The following DPP10 variants were observed in gnomAD, a reference collection of about 807,000 sequenced individuals.
DPP10 encodes the protein dipeptidyl peptidase like 10.
A neutral mutation model predicts 120.9 loss-of-function variants in DPP10; 33 were observed. The observed-to-expected ratio is 0.27, with a 90% CI of 0.21 to 0.37. The LOEUF (loss-of-function observed/expected upper bound fraction) is 0.37, where lower values mean the gene tolerates loss of function less well. Ranked by LOEUF, DPP10 falls within the 10% of genes least tolerant of loss-of-function variation. The pLI is 1.00. For missense variants in DPP10, 816 were observed against 942.8 expected (o/e 0.87, Z 1.76); for synonymous variants, 337 against 326.1 (o/e 1.03, Z -0.36).
At chr2:115,328,437 G>T (rs943211724) in intron 2 of DPP10, among the ~76,000 whole-genome samples, 2 of 152,020 alleles carry the variant, frequency 1.3e-5, no homozygotes, top group African/African-American at 2.4e-5. Context: ...GTAATCAATG[G>T]ATGATAAGTT....
intron 1 of DPP10, among the ~76,000 whole-genome samples, chr2:114,855,782 G>C (rs148039330): frequency 6.6e-6 from 1 of 152,216 alleles, no homozygotes; most frequent in South Asian, 2.1e-4. Flanking sequence ...AGGGCTTTGC[G>C]GGGGAGGTCA....
chr2:115,018,827 A>G (rs188614610), intron 1 of DPP10, among the ~76,000 whole-genome samples: 21 of 152,276 alleles, frequency 1.4e-4, no homozygotes, highest in African/African-American at 4.8e-4. Context: ...AAACCTGCGC[A>G]TTCTGCACGT....
intron 1 of DPP10, among the ~76,000 whole-genome samples, chr2:114,818,070 C>A (rs1685783701): frequency 6.6e-6 from 1 of 151,850 alleles, no homozygotes; most frequent in South Asian, 2.1e-4. Context: ...GAAGAAGAAA[C>A]CATAGAGTAA....
At chr2:114,601,415 A>T (rs1174278705) in intron 1 of DPP10, among the ~76,000 whole-genome samples, 3 of 151,866 alleles carry the variant, frequency 2.0e-5, no homozygotes, top group Non-Finnish European at 4.4e-5. Context: ...GAGAATGGAG[A>T]TAGAGTTATA....
In DPP10 at chr2:115,721,697, G is replaced by C. The variant is rs540451014; in HGVS notation, c.577-6119G>C. On this transcript the variant is annotated intron_variant, in intron 7 of 25. Transcript: ENST00000410059. ...GGTACTATACGAAGACAGCATGAAA[G>C]TTCCTCAGTAAATTAAAAATAAAAC... Among the ~76,000 whole-genome samples, 4 of 152,272 alleles carry C rather than the reference G, an allele frequency of 2.6e-5. No individual in the cohort carries two copies. The South Asian group carries it at 8.3e-4, about 32-fold the overall frequency.
intron 5 of DPP10, among the ~76,000 whole-genome samples, chr2:115,652,558 G>A (rs2087893728): frequency 6.6e-6 from 1 of 151,542 alleles, no homozygotes; most frequent in African/African-American, 2.4e-5. Flanking sequence ...ATCTGTAGTT[G>A]GCAAGCTGGA....
chr2:114,745,119 A>C (rs1678452378), intron 1 of DPP10, among the ~76,000 whole-genome samples: 1 of 152,228 alleles, frequency 6.6e-6, no homozygotes, highest in Admixed American at 6.5e-5. Flanking sequence ...ATCCCTGATC[A>C]AGAATATCTT....
At chr2:114,785,662 G>T (rs1463323041) in intron 1 of DPP10, among the ~76,000 whole-genome samples, 1 of 152,088 alleles carries the variant, frequency 6.6e-6, no homozygotes, top group Non-Finnish European at 1.5e-5. Flanking sequence ...TACTGTAGAG[G>T]CAATGTAGAG....
At chr2:114,804,731 A>G (rs1684573126) in intron 1 of DPP10, among the ~76,000 whole-genome samples, 1 of 152,156 alleles carries the variant, frequency 6.6e-6, no homozygotes, top group Admixed American at 6.5e-5. Context: ...AGGAATTAAC[A>G]AGCTTGCTTT....
chr2:115,381,071 C>T (rs182122091), intron 3 of DPP10, among the ~76,000 whole-genome samples: 5 of 152,232 alleles, frequency 3.3e-5, no homozygotes, highest in African/African-American at 1.2e-4. Context: ...GTGGCATTCT[C>T]TGTATTTCCT....
At chr2:114,897,863 G>A (rs1318130414) in intron 1 of DPP10, among the ~76,000 whole-genome samples, 4 of 151,870 alleles carry the variant, frequency 2.6e-5, no homozygotes, top group Admixed American at 2.0e-4. Context: ...TGCTGGAGAG[G>A]ATGTGGAGAA....
intron 12 of DPP10, among the ~76,000 whole-genome samples, chr2:115,767,899 T>C (rs1680987202): frequency 6.6e-6 from 1 of 152,206 alleles, no homozygotes; most frequent in Non-Finnish European, 1.5e-5. Flanking sequence ...CAGAATTTTG[T>C]AATTAAAAGA....
chr2:114,697,838 T>A (rs1700160864), intron 1 of DPP10, among the ~76,000 whole-genome samples: 1 of 151,944 alleles, frequency 6.6e-6, no homozygotes. Context: ...CTTTGCTCTC[T>A]ATTATCTATA....
chr2:114,749,137 C>A (rs933029894), intron 1 of DPP10, among the ~76,000 whole-genome samples: 60 of 146,556 alleles, frequency 4.1e-4, no homozygotes, highest in African/African-American at 1.5e-3. Context: ...TTTTGATTTG[C>A]ATTTCTCTGA....
At chr2:115,496,194 C>A (rs1040987696) in intron 3 of DPP10, among the ~76,000 whole-genome samples, 4 of 151,860 alleles carry the variant, frequency 2.6e-5, no homozygotes, top group East Asian at 1.9e-4. Flanking sequence ...ACAAAAAAAA[C>A]CCCAAGAAAA....
intron 5 of DPP10, among the ~76,000 whole-genome samples, chr2:115,639,809 A>G (rs2086635879): frequency 6.6e-6 from 1 of 152,124 alleles, no homozygotes; most frequent in African/African-American, 2.4e-5. Flanking sequence ...TCTTCTGTGC[A>G]GTCTAGTTGG....
intron 2 of DPP10, among the ~76,000 whole-genome samples, chr2:115,322,786 G>A (rs111283733): frequency 1.8e-4 from 27 of 152,222 alleles, no homozygotes; most frequent in African/African-American, 6.3e-4. Context: ...GCATGTAAAA[G>A]TTATGTTTAT....
chr2:114,447,300 G>C (rs1292098649), intron 1 of DPP10, among the ~76,000 whole-genome samples: 1 of 152,006 alleles, frequency 6.6e-6, no homozygotes, highest in Non-Finnish European at 1.5e-5. Context: ...CGGCCCACTT[G>C]TTGTTAATTC....
At chr2:115,767,520 A>T (rs1441688148) in intron 12 of DPP10, among the ~76,000 whole-genome samples, 1 of 151,772 alleles carries the variant, frequency 6.6e-6, no homozygotes, top group Non-Finnish European at 1.5e-5. Context: ...GTGTGTGTAT[A>T]TATATACATA....
Sources: gnomAD v4.1 joint callset for allele counts (sites outside exome capture counted in the v4.1 genomes callset) on GRCh38, gnomAD v4.1.1 for gene constraint, MANE v1.5 for transcripts, NCBI Gene and HGNC (gene_info 2026-07-23, HGNC 2026-07-21) for gene names.